HTT: variants seen among roughly 807,000 people sequenced by gnomAD.
HTT encodes the protein huntingtin, also known as huntington disease protein.
Under a neutral mutation model 362.3 loss-of-function variants are expected in HTT, and 104 were observed. The ratio of observed to expected loss-of-function variants is 0.29; its 90% CI spans 0.24 to 0.34. The LOEUF is 0.34. Among genes scored for constraint, HTT ranks in the 10% least tolerant of loss-of-function variants. HTT has a pLI of 1.00. For synonymous variants in HTT, 1,577 were observed against 1,548.7 expected (o/e 1.02, Z -0.43); for missense variants, 3,301 against 3,928.6 (o/e 0.84, Z 4.27).
At chr4:3,110,562 G>A (rs1281187568) in intron 6 of HTT, among the ~76,000 whole-genome samples, 1 of 152,212 alleles carries the variant, frequency 6.6e-6, no homozygotes, top group Admixed American at 6.5e-5. Context: ...CCTGAGAGAA[G>A]ATGAATGGGA....
Position 3,074,933 on chromosome 4 carries a change from G to A in HTT, c.108G>A (p.Gln36=), listed in dbSNP as rs756955307. Residue 36 remains glutamine, a synonymous_variant, in exon 1 of 67, where the codon CAG becomes CAA. Transcript: ENST00000355072. ...QQQQQQQQQQ[Q]QQPPPPPPPP... ...AGCAGCAGCAGCAGCAGCAGCAGCA[G>A]CAACAGCCGCCACCGCCGCCGCCGC... 7.5e-5 allele frequency: 109 copies of A among 1,443,918 alleles called. No individual in the cohort carries two copies. Among genetic ancestry groups the A allele is most frequent in the East Asian group, 1.7e-4 (6 of 35,108 alleles). 89.4% of individuals were successfully genotyped at this position (1,443,918 alleles called of 1,614,324 possible).
chr4:3,150,423 A>T (rs1033751358), intron 26 of HTT, among the ~76,000 whole-genome samples: 1 of 152,172 alleles, frequency 6.6e-6, no homozygotes, highest in South Asian at 2.1e-4. Context: ...GGGACCTCAG[A>T]GGACCTGTCT....
intron 2 of HTT, among the ~76,000 whole-genome samples, chr4:3,096,019 G>A (rs1713840344): frequency 6.6e-6 from 1 of 152,208 alleles, no homozygotes; most frequent in Non-Finnish European, 1.5e-5. Context: ...ATAACCTACA[G>A]GTAACAGAAC....
At position 3,202,727 on chromosome 4, in the gene HTT, A is replaced by G. The variant is rs1039346999; in HGVS notation, c.5577-1280A>G. 3.3e-5 allele frequency among the ~76,000 whole-genome samples: 5 copies of G among 152,134 alleles called. No individual in the cohort carries two copies. In the East Asian group the frequency reaches 7.7e-4, roughly 23 times the overall value. ...GCAGAAGGCCATAGAAATAGAATCT[A>G]TAGGCTAGGTGTGGTGGCTCATGCC... On this transcript the variant is annotated intron_variant, in intron 41 of 66. Transcript: ENST00000355072.
rs912916394 is a variant in HTT at position 3,159,049 on chromosome 4, C to T, written c.3754-1233C>T. Among the ~76,000 whole-genome samples the T allele has an allele frequency of 5.9e-5, 9 of 152,178 alleles. No individual in the cohort carries two copies. The South Asian group carries it at 6.2e-4, about 11-fold the overall frequency. ...GCTGCGCAGCTTCTCAGCTGAAGTGCGTTTGGAGTGCCTGGCGTGTCTTGC... is the reference window on the plus strand; with the variant it reads ...GCTGCGCAGCTTCTCAGCTGAAGTGTGTTTGGAGTGCCTGGCGTGTCTTGC... On this transcript the variant is annotated intron_variant, in intron 28 of 66. Coordinates refer to ENST00000355072, the MANE Select transcript of HTT (RefSeq NM_001388492.1).
intron 2 of HTT, among the ~76,000 whole-genome samples, chr4:3,087,519 C>T (rs184715951): frequency 6.6e-6 from 1 of 152,234 alleles, no homozygotes; most frequent in Non-Finnish European, 1.5e-5. Context: ...CTTGCTTGAT[C>T]TTTCTCACTG....
chr4:3,211,888 CTGT>C, intron 47 of HTT, 38 bp from the exon 48 acceptor site: 2 of 1,397,244 alleles, frequency 1.4e-6, no homozygotes, highest in African/African-American at 1.4e-5. Context: ...AGCTCATAAT[CTGT>C]TGTTATTGTT....
In HTT at chr4:3,206,927, A is replaced by T; in HGVS notation, c.6019A>T (p.Met2007Leu). Residue 2007 changes from methionine to leucine, a missense_variant, in exon 44 of 67, where the codon ATG (methionine) becomes TTG (leucine). Physicochemically the swap from Met to Leu is conservative, Grantham distance 15. Coordinates refer to ENST00000355072, the MANE Select transcript of HTT (RefSeq NM_001388492.1). The surrounding 1 kb of genome is among the most constrained non-coding windows in gnomAD (Gnocchi z 4.6). ...LCTPFRVLAR[M>L]VDILACRRVE... ...CACCCCTTTCCGTGTGCTGGCTCGC[A>T]TGGTCGACATCCTTGCTTGTCGCCG... 1 of 1,614,100 alleles carries T rather than the reference A, an allele frequency of 6.2e-7. No homozygotes were observed. Among genetic ancestry groups the T allele is most frequent in the African/African-American group, 1.3e-5 (1 of 75,040 alleles).
chr4:3,093,318 C>T (rs147563508), intron 2 of HTT, among the ~76,000 whole-genome samples: 2 of 152,286 alleles, frequency 1.3e-5, no homozygotes, highest in African/African-American at 4.8e-5. Flanking sequence ...GTTTGCCCAC[C>T]TAGCCCCAGA....
chr4:3,113,639 T>C (rs1199324291), intron 6 of HTT, among the ~76,000 whole-genome samples: 1 of 152,172 alleles, frequency 6.6e-6, no homozygotes, highest in Non-Finnish European at 1.5e-5. Context: ...CAAAGTAGTT[T>C]TTTAAGATGT....
intron 1 of HTT, among the ~76,000 whole-genome samples, chr4:3,078,949 A>T (rs1162092430): frequency 1.3e-5 from 2 of 152,050 alleles, no homozygotes; most frequent in Admixed American, 1.3e-4. Flanking sequence ...GTTAGCCAGG[A>T]TGATCTTGAT....
At chr4:3,172,709 C>T (rs961251572) in intron 30 of HTT, among the ~76,000 whole-genome samples, 199 bp from the exon 31 acceptor site, 1 of 152,106 alleles carries the variant, frequency 6.6e-6, no homozygotes, top group Non-Finnish European at 1.5e-5. Flanking sequence ...CAAGGAAACC[C>T]AAAACGCCTA....
chr4:3,086,122 G>A (rs142718729), intron 1 of HTT, among the ~76,000 whole-genome samples: 134 of 152,304 alleles, frequency 8.8e-4, no homozygotes, highest in African/African-American at 3.0e-3. Flanking sequence ...CCCATCTCTT[G>A]TAATCTATGC....
chr4:3,231,453 G>C (rs1185100637), intron 60 of HTT, among the ~76,000 whole-genome samples: 2 of 152,180 alleles, frequency 1.3e-5, no homozygotes, highest in Admixed American at 6.5e-5. Context: ...AAGGTCAGAG[G>C]TTAGCTGGCT....
chr4:3,094,022 G>A (rs1219822296), intron 2 of HTT, among the ~76,000 whole-genome samples: 1 of 144,114 alleles, frequency 6.9e-6, no homozygotes, highest in Non-Finnish European at 1.5e-5. Context: ...AGATAAACAT[G>A]TAAACAAAGG....
At chr4:3,130,490 G>T in intron 14 of HTT, 67 bp downstream of exon 14, 1 of 822,572 alleles carries the variant, frequency 1.2e-6, no homozygotes. Context: ...AATCGCCCTG[G>T]CTACTGTCTA....
chr4:3,077,165 G>A (rs1712600819), intron 1 of HTT, among the ~76,000 whole-genome samples: 2 of 152,116 alleles, frequency 1.3e-5, no homozygotes, highest in African/African-American at 4.8e-5. Context: ...GTGACAGAGC[G>A]AGACTCTATC....
At chr4:3,131,242 A>G in intron 14 of HTT, 44 bp from the exon 15 acceptor site, 1 of 1,346,236 alleles carries the variant, frequency 7.4e-7, no homozygotes, top group Non-Finnish European at 1.1e-6. Flanking sequence ...GCATGAATGT[A>G]TTGTTGAGTA....
At position 3,136,958 on chromosome 4, in the gene HTT, A is replaced by G. The variant is rs540214170; in HGVS notation, c.2798+632A>G. 1.3e-4 allele frequency among the ~76,000 whole-genome samples: 19 copies of G among 149,548 alleles called. No individual in the cohort carries two copies. In the South Asian group the frequency reaches 2.9e-3, roughly 23 times the overall value. ...TTTTTTTGAGACAGAGTCCTGCTCT[A>G]TTGTCCAGGTGCTATCTCGGCTCAC... is the stretch of plus-strand genomic sequence containing the variant. On this transcript the variant is annotated intron_variant, in intron 21 of 66. Transcript: ENST00000355072.
Sources: gnomAD v4.1 joint callset for allele counts (sites outside exome capture counted in the v4.1 genomes callset) on GRCh38, gnomAD v4.1.1 for gene constraint, Gnocchi (gnomAD v3.1) non-coding constraint, MANE v1.5 for transcripts, NCBI Gene and HGNC (gene_info 2026-07-23, HGNC 2026-07-21) for gene names.